The following ZBTB20 variants were observed in gnomAD, a reference collection of about 807,000 sequenced individuals.
ZBTB20 encodes the protein zinc finger and BTB domain containing 20, also known as zinc finger and BTB domain-containing protein 20.
In ZBTB20, 9 loss-of-function variants were observed where a neutral mutation model predicts 56.9. That is an observed-to-expected ratio of 0.16 (90% CI 0.10 to 0.28). The LOEUF (loss-of-function observed/expected upper bound fraction) is 0.28. Ranked by LOEUF, ZBTB20 falls within the 10% of genes least tolerant of loss-of-function variation. The pLI, the probability that ZBTB20 is intolerant of heterozygous loss-of-function variation, is 1.00. For synonymous variants in ZBTB20, 417 were observed against 420.7 expected, an observed-to-expected ratio of 0.99 and a Z score of 0.11; for missense variants, 655 against 1,003.0, an observed-to-expected ratio of 0.65 and a Z score of 4.69.
intron 3 of ZBTB20, chr3:114,931,502 AAGAAGAAATGAATATGAAATTAC>A (rs1200397469): frequency 5.6e-5 from 9 of 160,484 alleles, no homozygotes; most frequent in Non-Finnish European, 1.4e-5. Flanking sequence ...ATCATCCAAC[AAGAAGAAATGAATATGAAATTAC>A]AGCAATGAGA....
At chr3:114,784,678 T>C (rs1408723783) in intron 5 of ZBTB20, among the ~76,000 whole-genome samples, 1 of 152,318 alleles carries the variant, frequency 6.6e-6, no homozygotes, top group East Asian at 1.9e-4. Context: ...TATTAACTTG[T>C]AAAGTTATTG....
At chr3:114,709,742 A>C (rs1296953807) in intron 5 of ZBTB20, among the ~76,000 whole-genome samples, 1 of 152,198 alleles carries the variant, frequency 6.6e-6, no homozygotes. Context: ...GGTGAGAACC[A>C]ATGGGCTACT....
At position 115,120,656 on chromosome 3, in the gene ZBTB20, T is replaced by C. The variant is rs530685983; in HGVS notation, c.-703+26563A>G. Among the ~76,000 whole-genome samples, 15 of 152,112 alleles carry C rather than the reference T, an allele frequency of 9.9e-5. No homozygotes were observed. The East Asian group carries it at 2.7e-3, about 27-fold the overall frequency. ...TGGTTAAAAATCACTAAATGAGGAA[T>C]TGAAGAGAATTTCAGGTTAGAAGGT... is the stretch of plus-strand genomic sequence containing the variant. On this transcript the variant is annotated intron_variant, in intron 1 of 11. Transcript: ENST00000675478.
chr3:114,515,315 T>C (rs2045859096), intron 6 of ZBTB20, among the ~76,000 whole-genome samples: 1 of 152,174 alleles, frequency 6.6e-6, no homozygotes, highest in Non-Finnish European at 1.5e-5. Flanking sequence ...ACTTTAGAGA[T>C]ACCCACCAGC....
At chr3:114,968,689 G>A (rs1391847821) in intron 3 of ZBTB20, among the ~76,000 whole-genome samples, 5 of 152,018 alleles carry the variant, frequency 3.3e-5, no homozygotes, top group East Asian at 1.9e-4. Flanking sequence ...CCCAATTCAC[G>A]AATGAACTCT....
chr3:114,714,312 A>T (rs907455788), intron 5 of ZBTB20, among the ~76,000 whole-genome samples: 1 of 152,140 alleles, frequency 6.6e-6, no homozygotes, highest in African/African-American at 2.4e-5. Flanking sequence ...CCTTATTCTA[A>T]CTGATGGTTT....
chr3:114,987,658 CAT>C (rs2078605319), intron 2 of ZBTB20, among the ~76,000 whole-genome samples: 3 of 152,192 alleles, frequency 2.0e-5, no homozygotes, highest in African/African-American at 4.8e-5. Context: ...GATAATATCA[CAT>C]GATAGGATAG....
intron 6 of ZBTB20, among the ~76,000 whole-genome samples, chr3:114,681,262 C>T (rs190818336): frequency 1.3e-4 from 19 of 151,362 alleles, no homozygotes; most frequent in African/African-American, 2.7e-4. Context: ...CGGGTTTAAG[C>T]GATCCTTCTG....
chr3:114,566,277 C>G (rs556778913), intron 6 of ZBTB20, among the ~76,000 whole-genome samples: 1 of 152,298 alleles, frequency 6.6e-6, no homozygotes, highest in East Asian at 1.9e-4. Context: ...TTGGGCCACT[C>G]TTCAGAAGGG....
At chr3:114,715,195 C>A (rs903575924) in intron 5 of ZBTB20, among the ~76,000 whole-genome samples, 1 of 152,134 alleles carries the variant, frequency 6.6e-6, no homozygotes, top group Admixed American at 6.6e-5. Flanking sequence ...CAATTACTGC[C>A]GCTCAAAAAA....
chr3:115,146,753 A>C (rs1459016042), intron 1 of ZBTB20, among the ~76,000 whole-genome samples: 1 of 152,116 alleles, frequency 6.6e-6, no homozygotes, highest in Non-Finnish European at 1.5e-5. Flanking sequence ...GGCAGAAGAC[A>C]AGCGGGCGCC....
At chr3:115,050,517 TTA>T (rs1178959827) in intron 2 of ZBTB20, among the ~76,000 whole-genome samples, 5 of 152,122 alleles carry the variant, frequency 3.3e-5, no homozygotes, top group African/African-American at 9.6e-5. Flanking sequence ...TCAAACACCT[TTA>T]TGTTTGTTTA....
At chr3:114,912,650 A>G (rs538935829) in intron 3 of ZBTB20, among the ~76,000 whole-genome samples, 1 of 152,022 alleles carries the variant, frequency 6.6e-6, no homozygotes, top group African/African-American at 2.4e-5. Context: ...ATACAATTAA[A>G]TTATTTTTGA....
intron 4 of ZBTB20, among the ~76,000 whole-genome samples, chr3:114,846,323 A>G (rs1438415902): frequency 6.6e-6 from 1 of 152,198 alleles, no homozygotes; most frequent in Non-Finnish European, 1.5e-5. Flanking sequence ...TTCTTTTTAG[A>G]TACAATTCTA....
At chr3:114,668,041 A>G (rs1017219544) in intron 6 of ZBTB20, among the ~76,000 whole-genome samples, 4 of 152,090 alleles carry the variant, frequency 2.6e-5, no homozygotes, top group African/African-American at 9.6e-5. Flanking sequence ...TGATTATAAC[A>G]TAGTTGATTA....
At chr3:114,533,019 C>A (rs923972739) in intron 6 of ZBTB20, among the ~76,000 whole-genome samples, 4 of 152,134 alleles carry the variant, frequency 2.6e-5, no homozygotes, top group Non-Finnish European at 5.9e-5. Context: ...GTAGATAAAT[C>A]CACAAAGATG....
chr3:114,699,830 T>C (rs1032764695), intron 5 of ZBTB20, among the ~76,000 whole-genome samples: 1 of 152,124 alleles, frequency 6.6e-6, no homozygotes, highest in African/African-American at 2.4e-5. Context: ...ATTTTATATA[T>C]GAAGATTCTG....
chr3:114,579,558 T>C (rs2054433135), intron 6 of ZBTB20, among the ~76,000 whole-genome samples: 1 of 149,338 alleles, frequency 6.7e-6, no homozygotes, highest in Non-Finnish European at 1.5e-5. Context: ...AAAGAAGGAA[T>C]GAAATAACGC....
At chr3:114,703,056 C>T (rs1472464736) in intron 5 of ZBTB20, among the ~76,000 whole-genome samples, 1 of 151,920 alleles carries the variant, frequency 6.6e-6, no homozygotes, top group African/African-American at 2.4e-5. Flanking sequence ...CTGAGTCATT[C>T]TTTAAAAATA....
Sources: gnomAD v4.1 joint callset for allele counts (sites outside exome capture counted in the v4.1 genomes callset) on GRCh38, gnomAD v4.1.1 for gene constraint, MANE v1.5 for transcripts, NCBI Gene and HGNC (gene_info 2026-07-23, HGNC 2026-07-21) for gene names.